ROS1: variants seen among roughly 807,000 people sequenced by gnomAD.
The protein encoded by ROS1 is proto-oncogene tyrosine-protein kinase ROS.
ROS1 carries 263 observed loss-of-function variants against 273.5 expected under a neutral mutation model. The ratio of observed to expected loss-of-function variants is 0.96; its 90% CI spans 0.87 to 1.06. The LOEUF (loss-of-function observed/expected upper bound fraction) is 1.06, where lower values mean the gene tolerates loss of function less well. Among genes scored for constraint, ROS1 ranks in the 50% least tolerant of loss-of-function variants. The pLI, the probability that ROS1 is intolerant of heterozygous loss-of-function variation, is 0.00. For synonymous variants in ROS1, 1,008 were observed against 954.1 expected (o/e 1.06, Z -1.04); for missense variants, 2,833 against 2,751.1 (o/e 1.03, Z -0.67).
intron 41 of ROS1, 94 bp from the exon 42 acceptor site, chr6:117,309,022 G>C (rs1775330534): frequency 8.2e-7 from 1 of 1,226,814 alleles, no homozygotes; most frequent in Admixed American, 2.1e-5. Context: ...GGGCTAGCAG[G>C]GTCTACTTTG....
chr6:117,342,066 T>G (rs1777978361), intron 29 of ROS1, among the ~76,000 whole-genome samples: 1 of 152,190 alleles, frequency 6.6e-6, no homozygotes, highest in East Asian at 1.9e-4. Flanking sequence ...AGCTTGGTTT[T>G]TCTATAGCTC....
At position 117,360,335 on chromosome 6, in the gene ROS1, C is replaced by T; in HGVS notation, c.3430+7G>A. On this transcript the variant is annotated splice_region_variant and intron_variant, in intron 23 of 43. Transcript: ENST00000368507. ...TATTATTTGCACAGATTTTAGAAAA[C>T]AAATACCTGATGTTGTAGACTTTAC... The T allele has an allele frequency of 6.2e-7, 1 of 1,607,404 alleles. No individual in the cohort carries two copies. Among genetic ancestry groups the T allele is most frequent in the Non-Finnish European group, 8.5e-7 (1 of 1,175,620 alleles).
intron 33 of ROS1, among the ~76,000 whole-genome samples, chr6:117,327,203 G>A (rs1305038622): frequency 6.6e-6 from 1 of 152,152 alleles, no homozygotes; most frequent in African/African-American, 2.4e-5. Flanking sequence ...TCCTTCTGAA[G>A]ACCAACAGAG....
In ROS1 at chr6:117,357,837, G is replaced by A; in HGVS notation, c.3806C>T (p.Thr1269Ile). 6.2e-7 allele frequency: 1 copy of A among 1,612,144 alleles called. No individual in the cohort carries two copies. The highest frequency in any genetic ancestry group is 1.7e-5 in the Admixed American group (1 of 59,970). The part of the protein sequence containing the change: ...REVKIHNRNS[T>I]IISFSVYPLL... ...AGGATATACAGAAAAAGAAATTATT[G>A]TTGAATTCCTATTGTGAATCTTCAC... is the stretch of plus-strand genomic sequence containing the variant. The change falls in exon 25 of 44, where the codon ACA (threonine) becomes ATA (isoleucine). Residue 1269 changes from threonine (T) to isoleucine (I), a missense_variant. By Grantham distance (89) the Thr-to-Ile change is moderately conservative (BLOSUM62 -1). Coordinates refer to ENST00000368507, the MANE Select transcript of ROS1 (RefSeq NM_001378902.1).
intron 42 of ROS1, among the ~76,000 whole-genome samples, chr6:117,307,718 A>T (rs1334413): frequency 0.3 from 45,291 of 151,960 alleles, 7,458 homozygotes; most frequent in East Asian, 0.43. Flanking sequence ...TAGCTGGAAG[A>T]TTTAAATAAT....
intron 16 of ROS1, 89 bp from the exon 17 acceptor site, chr6:117,383,597 G>C: frequency 9.9e-7 from 1 of 1,010,270 alleles, no homozygotes; most frequent in East Asian, 2.4e-5. Context: ...TAAATTGCTT[G>C]ATTAATCATT....
chr6:117,328,669 G>A (rs772816937), intron 33 of ROS1: 45 of 596,260 alleles, frequency 7.5e-5, no homozygotes, highest in Non-Finnish European at 1.1e-4. Context: ...TGTGAGAGGA[G>A]TGTCTTTGGA....
chr6:117,423,681 G>T (rs1276566258), intron 1 of ROS1, among the ~76,000 whole-genome samples: 1 of 150,250 alleles, frequency 6.7e-6, no homozygotes, highest in East Asian at 1.9e-4. Flanking sequence ...TTTATTTTTG[G>T]ACAAGACATT....
intron 6 of ROS1, among the ~76,000 whole-genome samples, chr6:117,403,824 C>T (rs1009693163): frequency 3.3e-5 from 5 of 152,188 alleles, no homozygotes; most frequent in African/African-American, 1.2e-4. Flanking sequence ...AATGTTAAGG[C>T]TTAGCATTAG....
chr6:117,409,570 G>A lies in ROS1; in HGVS notation c.316+12C>T. ...GCAGCCTATTTTTTAAAAGTCGTGT[G>A]TGTCCTCTTACCCAGTACTTCCTCT... On this transcript the variant is annotated intron_variant, in intron 5 of 43. Coordinates refer to ENST00000368507, the MANE Select transcript of ROS1 (RefSeq NM_001378902.1). The A allele has an allele frequency of 1.2e-6, 2 of 1,608,264 alleles. No homozygotes were observed.
intron 13 of ROS1, among the ~76,000 whole-genome samples, chr6:117,388,793 A>C (rs964003542): frequency 1.3e-5 from 2 of 152,194 alleles, no homozygotes; most frequent in African/African-American, 2.4e-5. Flanking sequence ...TCTGTACAAC[A>C]GTTCCATTAA....
chr6:117,374,754 A>G (rs1781172445), intron 18 of ROS1, among the ~76,000 whole-genome samples: 1 of 152,246 alleles, frequency 6.6e-6, no homozygotes, highest in East Asian at 1.9e-4. Context: ...AGAAACTACA[A>G]GGAACTCACA....
intron 7 of ROS1, among the ~76,000 whole-genome samples, chr6:117,398,927 C>T (rs999858662): frequency 1.5e-4 from 23 of 149,982 alleles, no homozygotes; most frequent in African/African-American, 5.4e-4. Flanking sequence ...GAGCTGAGAT[C>T]GTGCTACTGT....
rs1772310913 is a variant in ROS1, at chr6:117,383,385, C to T, written c.2413G>A (p.Glu805Lys). 1.2e-6 allele frequency: 2 copies of T among 1,614,022 alleles called. No individual in the cohort carries two copies. The highest frequency in any genetic ancestry group is 8.5e-7 in the Non-Finnish European group (1 of 1,179,938). ...YLYWTTLYSVESTRLNGESSL... is the reference protein window; with the variant it reads ...YLYWTTLYSVKSTRLNGESSL... ...CTTTCCCCATTTAGTCTGGTGCTTT[C>T]CACTGAATAGAGTGTGGTCCAGTAG... The change falls in exon 17 of 44, where the codon GAA (glutamate) becomes AAA (lysine). Residue 805 changes from glutamate to lysine, a missense_variant. By Grantham distance (56) the Glu-to-Lys change is moderately conservative. Coordinates refer to ENST00000368507, the MANE Select transcript of ROS1 (RefSeq NM_001378902.1).
intron 17 of ROS1, among the ~76,000 whole-genome samples, chr6:117,380,097 T>C (rs1771992456): frequency 6.6e-6 from 1 of 152,150 alleles, no homozygotes; most frequent in Non-Finnish European, 1.5e-5. Context: ...ATTTTTCAAA[T>C]AAGCTAAGAT....
chr6:117,316,375 T>C (rs368482299), intron 39 of ROS1, among the ~76,000 whole-genome samples: 3 of 152,196 alleles, frequency 2.0e-5, no homozygotes, highest in East Asian at 3.9e-4. Flanking sequence ...ACATTTTAAT[T>C]TTTTAGCCAT....
intron 4 of ROS1, among the ~76,000 whole-genome samples, chr6:117,413,930 G>A (rs894817643): frequency 2.6e-5 from 4 of 152,056 alleles, no homozygotes; most frequent in South Asian, 2.1e-4. Flanking sequence ...GCAGTCAGCC[G>A]AGATTGCACC....
chr6:117,401,795 C>G (rs1346890780), intron 7 of ROS1, among the ~76,000 whole-genome samples: 9 of 70,038 alleles, frequency 1.3e-4, no homozygotes, highest in African/African-American at 6.1e-4. Context: ...AAATAACAAA[C>G]TTTTCAGTAA....
At chr6:117,394,772 AC>A (rs1773361934) in intron 9 of ROS1, 34 bp from the exon 10 acceptor site, 1 of 1,570,162 alleles carries the variant, frequency 6.4e-7, no homozygotes, top group Admixed American at 1.7e-5. Context: ...AGACAGGTAG[AC>A]CAACCACAGG....
Sources: gnomAD v4.1 joint callset for allele counts (sites outside exome capture counted in the v4.1 genomes callset) on GRCh38, gnomAD v4.1.1 for gene constraint, MANE v1.5 for transcripts, NCBI Gene and HGNC (gene_info 2026-07-23, HGNC 2026-07-21) for gene names.